LRP1B: variants seen among roughly 807,000 people sequenced by gnomAD.
LRP1B encodes the protein LDL receptor related protein 1B.
In LRP1B, 217 loss-of-function variants were observed where a neutral mutation model predicts 556.6. The ratio of observed to expected loss-of-function variants is 0.39; its 90% CI spans 0.35 to 0.44. The LOEUF (loss-of-function observed/expected upper bound fraction) is 0.44, where lower values mean the gene tolerates loss of function less well. Ranked by LOEUF, LRP1B falls within the 20% of genes least tolerant of loss-of-function variation. The pLI is 1.00. For synonymous variants in LRP1B, 2,047 were observed against 1,865.8 expected, an observed-to-expected ratio of 1.10 and a Z score of -2.50; for missense variants, 5,053 against 5,620.8, an observed-to-expected ratio of 0.90 and a Z score of 3.23.
In LRP1B at chr2:140,698,061, GTTTT is replaced by G. The variant is rs561793708; in HGVS notation, c.6799+2185_6799+2188del. Among the ~76,000 whole-genome samples the G allele has an allele frequency of 2.7e-3, 400 of 146,586 alleles. 2 individuals are homozygous for G. Among genetic ancestry groups the G allele is most frequent in the Non-Finnish European group, 3.9e-3 (258 of 66,136 alleles). On this transcript the variant is annotated intron_variant, in intron 41 of 90. Coordinates refer to ENST00000389484, the MANE Select transcript of LRP1B (RefSeq NM_018557.3). ...GTGTAAACTATACCTAAATAAAATGGTTTTTTTTTTTAAGCTGCTTATTTTGGCA... is the reference window on the plus strand; with the variant it reads ...GTGTAAACTATACCTAAATAAAATGGTTTTTTTAAGCTGCTTATTTTGGCA...
chr2:141,459,257 G>A (rs1047992147), intron 3 of LRP1B, among the ~76,000 whole-genome samples: 14 of 152,132 alleles, frequency 9.2e-5, no homozygotes, highest in Admixed American at 8.5e-4. Flanking sequence ...ATGTATATGT[G>A]TGTGACCTTT....
At chr2:141,219,673 G>C (rs1368128606) in intron 6 of LRP1B, among the ~76,000 whole-genome samples, 1 of 152,110 alleles carries the variant, frequency 6.6e-6, no homozygotes, top group East Asian at 1.9e-4. Context: ...TCATACCAGA[G>C]TGTTTTGGCT....
chr2:140,864,930 T>G (rs901634545), intron 27 of LRP1B, among the ~76,000 whole-genome samples: 2 of 152,058 alleles, frequency 1.3e-5, no homozygotes, highest in African/African-American at 4.8e-5. Flanking sequence ...AATAAAACTA[T>G]GCTAATGATG....
At chr2:141,732,001 C>G (rs1693291141) in intron 2 of LRP1B, among the ~76,000 whole-genome samples, 1 of 152,122 alleles carries the variant, frequency 6.6e-6, no homozygotes, top group African/African-American at 2.4e-5. Flanking sequence ...TTCTCAGTAT[C>G]TATTCCCAAT....
At chr2:141,893,620 T>A (rs549630066) in intron 1 of LRP1B, among the ~76,000 whole-genome samples, 98 of 152,314 alleles carry the variant, frequency 6.4e-4, no homozygotes, top group African/African-American at 1.9e-3. Context: ...GCCAAATGGA[T>A]GAAGTCATAA....
At chr2:140,485,610 A>C (rs1256945600) in intron 58 of LRP1B, 86 bp from the exon 59 acceptor site, 2 of 907,162 alleles carry the variant, frequency 2.2e-6, no homozygotes. Context: ...ACAGAGATAT[A>C]GAATTCCATT....
chr2:140,310,831 T>C (rs1294959020), intron 83 of LRP1B, among the ~76,000 whole-genome samples: 2 of 151,808 alleles, frequency 1.3e-5, no homozygotes, highest in East Asian at 3.9e-4. Context: ...TCCAGGACAC[T>C]GGCCTAGGCA....
At chr2:141,061,205 T>A (rs1364017286) in intron 8 of LRP1B, among the ~76,000 whole-genome samples, 1 of 151,666 alleles carries the variant, frequency 6.6e-6, no homozygotes, top group Non-Finnish European at 1.5e-5. Context: ...CCCAGACAGA[T>A]TAGTGCATCT....
chr2:141,472,077 G>C (rs780712381), intron 3 of LRP1B, among the ~76,000 whole-genome samples: 1 of 151,994 alleles, frequency 6.6e-6, no homozygotes, highest in Non-Finnish European at 1.5e-5. Context: ...AAGACTTCCA[G>C]CTAAGAGGCT....
chr2:141,433,325 C>G (rs967516348), intron 3 of LRP1B, among the ~76,000 whole-genome samples: 1 of 151,950 alleles, frequency 6.6e-6, no homozygotes, highest in African/African-American at 2.4e-5. Flanking sequence ...TAGTCCTATC[C>G]TAGAAAGTGG....
At chr2:140,638,312 T>C (rs1389976342) in intron 41 of LRP1B, among the ~76,000 whole-genome samples, 8 of 152,202 alleles carry the variant, frequency 5.3e-5, no homozygotes, top group African/African-American at 1.9e-4. Context: ...GGGCATGGTC[T>C]AAATCACTTA....
intron 1 of LRP1B, among the ~76,000 whole-genome samples, chr2:141,820,655 C>G (rs1048858521): frequency 5.3e-5 from 8 of 152,162 alleles, no homozygotes; most frequent in Non-Finnish European, 1.2e-4. Flanking sequence ...TAATTAGAAA[C>G]TTACTCTACA....
chr2:141,983,771 C>A (rs1436128687), intron 1 of LRP1B, among the ~76,000 whole-genome samples: 10 of 152,020 alleles, frequency 6.6e-5, no homozygotes, highest in South Asian at 2.1e-4. Context: ...GATGAAAAAA[C>A]CCATTTAGGC....
At chr2:140,384,590 G>A (rs1300477288) in intron 67 of LRP1B, among the ~76,000 whole-genome samples, 2 of 152,164 alleles carry the variant, frequency 1.3e-5, no homozygotes, top group Admixed American at 1.3e-4. Context: ...ATAATCCAGA[G>A]ATTTCATGCT....
chr2:140,383,291 T>TGC (rs963225104), intron 67 of LRP1B, among the ~76,000 whole-genome samples: 28 of 139,228 alleles, frequency 2.0e-4, no homozygotes, highest in Admixed American at 1.6e-3. Flanking sequence ...GACAGTGATG[T>TGC]GCGTGTGTGT....
At chr2:141,254,389 T>C (rs2105339667) in intron 4 of LRP1B, 133 bp downstream of exon 4, 2 of 895,110 alleles carry the variant, frequency 2.2e-6, no homozygotes, top group East Asian at 2.8e-5. Flanking sequence ...GGGGGGCAAC[T>C]TTTAAATCTC....
chr2:140,737,213 A>G (rs904374883), intron 35 of LRP1B, among the ~76,000 whole-genome samples: 35 of 152,246 alleles, frequency 2.3e-4, no homozygotes, highest in African/African-American at 7.7e-4. Flanking sequence ...ACCTTGCAAC[A>G]TTGTGGCAAT....
chr2:141,147,974 T>C (rs754433612), intron 7 of LRP1B, among the ~76,000 whole-genome samples: 6 of 152,218 alleles, frequency 3.9e-5, no homozygotes, highest in Non-Finnish European at 7.3e-5. Flanking sequence ...AGCAGTAAGT[T>C]ATGTCATATA....
At chr2:141,193,283 G>A (rs1681600933) in intron 6 of LRP1B, among the ~76,000 whole-genome samples, 1 of 151,908 alleles carries the variant, frequency 6.6e-6, no homozygotes, top group African/African-American at 2.4e-5. Flanking sequence ...ACAAGCACTT[G>A]AATGTTTAAC....
Sources: gnomAD v4.1 joint callset for allele counts (sites outside exome capture counted in the v4.1 genomes callset) on GRCh38, gnomAD v4.1.1 for gene constraint, MANE v1.5 for transcripts, NCBI Gene and HGNC (gene_info 2026-07-23, HGNC 2026-07-21) for gene names.